UBR2: variants seen among roughly 807,000 people sequenced by gnomAD.
UBR2 encodes E3 ubiquitin-protein ligase UBR2.
In UBR2, 92 loss-of-function variants were observed where a neutral mutation model predicts 247.9. The ratio of observed to expected loss-of-function variants is 0.37; its 90% CI spans 0.31 to 0.44. UBR2 has a LOEUF of 0.44. Among genes scored for constraint, UBR2 ranks in the 20% least tolerant of loss-of-function variants. The pLI, the probability that UBR2 is intolerant of heterozygous loss-of-function variation, is 1.00. For synonymous variants in UBR2, 672 were observed against 693.5 expected, an observed-to-expected ratio of 0.97 and a Z score of 0.49; for missense variants, 1,613 against 2,112.6, an observed-to-expected ratio of 0.76 and a Z score of 4.64.
In UBR2 at chr6:42,649,392, A is replaced by G. The variant is rs569967813; in HGVS notation, c.2463-892A>G. On this transcript the variant is annotated intron_variant, in intron 22 of 46. Coordinates refer to ENST00000372901, the MANE Select transcript of UBR2 (RefSeq NM_001363705.2). Reference sequence around the variant, plus strand: ...ATAGCTTCCAGATTTTCTCTTATAAACAAATATTGAAAATCCTTGTACATA... The same window carrying G: ...ATAGCTTCCAGATTTTCTCTTATAAGCAAATATTGAAAATCCTTGTACATA... Among the ~76,000 whole-genome samples, 4 of 152,298 alleles carry G rather than the reference A, an allele frequency of 2.6e-5. No homozygotes were observed. The South Asian group carries it at 8.3e-4, about 32-fold the overall frequency.
intron 27 of UBR2, 45 bp downstream of exon 27, chr6:42,658,178 ATTTG>A: frequency 6.2e-7 from 1 of 1,610,368 alleles, no homozygotes. Flanking sequence ...AATATTGAAT[ATTTG>A]TTATGTGTAC....
intron 11 of UBR2, among the ~76,000 whole-genome samples, chr6:42,622,140 C>G (rs928389080): frequency 1.3e-5 from 2 of 151,968 alleles, no homozygotes; most frequent in Non-Finnish European, 2.9e-5. Flanking sequence ...CTTAGCCTCC[C>G]GAGTAGCTGG....
intron 40 of UBR2, among the ~76,000 whole-genome samples, chr6:42,677,937 G>A (rs1798805254): frequency 6.6e-6 from 1 of 152,146 alleles, no homozygotes; most frequent in South Asian, 2.1e-4. Context: ...GCATGTGCCT[G>A]TAGTCCCAGC....
chr6:42,686,665 C>A (rs1029281999), intron 44 of UBR2, among the ~76,000 whole-genome samples: 2 of 151,722 alleles, frequency 1.3e-5, no homozygotes, highest in Non-Finnish European at 2.9e-5. Flanking sequence ...CGGGCAGAGG[C>A]GCCCCCCACC....
intron 16 of UBR2, among the ~76,000 whole-genome samples, chr6:42,640,725 T>C: frequency 6.7e-6 from 1 of 150,242 alleles, no homozygotes; most frequent in East Asian, 1.9e-4. Context: ...GAGTCTATGA[T>C]TTTTTTTTAT....
intron 5 of UBR2, among the ~76,000 whole-genome samples, chr6:42,605,065 G>A (rs1045482247): frequency 9.9e-5 from 15 of 151,688 alleles, no homozygotes; most frequent in African/African-American, 3.6e-4. Flanking sequence ...ATTATAAACT[G>A]TGCAAGATTT....
At chr6:42,619,447 A>G (rs1217355160) in intron 11 of UBR2, 2 of 29,622 alleles carry the variant, frequency 6.8e-5, no homozygotes, top group African/African-American at 2.1e-4. Context: ...ATATATATAT[A>G]TATATATTTT....
intron 42 of UBR2, among the ~76,000 whole-genome samples, chr6:42,680,416 T>C (rs1477074885): frequency 9.8e-5 from 15 of 152,290 alleles, no homozygotes; most frequent in Non-Finnish European, 1.5e-5. Flanking sequence ...ATGAACTTAC[T>C]TGTTAAGGAC....
In UBR2 at chr6:42,659,626, T is replaced by G; in HGVS notation, c.3243-30T>G. ...GATTATATAGAAAGTTTTGGGATCATTAATTATATTCATAACCTTTGTATT... is the reference window on the plus strand; with the variant it reads ...GATTATATAGAAAGTTTTGGGATCAGTAATTATATTCATAACCTTTGTATT... On this transcript the variant is annotated intron_variant, in intron 29 of 46. Transcript: ENST00000372901. The surrounding 1 kb of genome is among the most constrained non-coding windows in gnomAD (Gnocchi z 4.3). 6.3e-7 allele frequency: 1 copy of G among 1,596,670 alleles called. No homozygotes were observed. Among genetic ancestry groups the G allele is most frequent in the Non-Finnish European group, 8.6e-7 (1 of 1,169,518 alleles).
intron 4 of UBR2, among the ~76,000 whole-genome samples, chr6:42,600,246 A>G (rs1406459628): frequency 1.3e-5 from 2 of 152,222 alleles, no homozygotes; most frequent in Admixed American, 1.3e-4. Context: ...ACCACTAACA[A>G]CCTTTTTAAC....
At chr6:42,685,338 C>T (rs185928141) in intron 44 of UBR2, among the ~76,000 whole-genome samples, 1 of 152,090 alleles carries the variant, frequency 6.6e-6, no homozygotes, top group East Asian at 1.9e-4. Context: ...CTGTAGTACT[C>T]TATACTACAT....
intron 17 of UBR2, among the ~76,000 whole-genome samples, chr6:42,642,179 A>G (rs902494804): frequency 2.0e-5 from 3 of 152,140 alleles, no homozygotes; most frequent in Admixed American, 2.0e-4. Context: ...TGAGACCACA[A>G]CCTTTTACTT....
intron 14 of UBR2, among the ~76,000 whole-genome samples, chr6:42,636,258 G>A (rs1162529608): frequency 6.8e-6 from 1 of 145,990 alleles, no homozygotes; most frequent in Non-Finnish European, 1.5e-5. Flanking sequence ...GCTCACTGCA[G>A]CCTCAACCTC....
intron 13 of UBR2, 31 bp downstream of exon 13, chr6:42,632,935 C>CTT: frequency 9.1e-7 from 1 of 1,101,292 alleles, no homozygotes; most frequent in Non-Finnish European, 1.2e-6. Context: ...TTTTCTTTTT[C>CTT]CTTTTTTTTT....
intron 11 of UBR2, among the ~76,000 whole-genome samples, chr6:42,623,295 T>C (rs976638661): frequency 2.0e-5 from 3 of 152,162 alleles, no homozygotes; most frequent in African/African-American, 7.2e-5. Context: ...ATTCCTAGTT[T>C]GCTCTAAGAT....
chr6:42,678,897 G>A (rs1484144083), intron 41 of UBR2, among the ~76,000 whole-genome samples: 1 of 152,114 alleles, frequency 6.6e-6, no homozygotes, highest in Non-Finnish European at 1.5e-5. Flanking sequence ...TTTTACACCT[G>A]CAAAGCCCTT....
At position 42,635,555 on chromosome 6, in the gene UBR2, C is replaced by A. The variant is rs1293409048; in HGVS notation, c.1674+9C>A. On this transcript the variant is annotated intron_variant, in intron 14 of 46. Transcript: ENST00000372901. ...ACTGGTGTGCTTCAGATGTGAGTTTCTTCTGGGTGCGGGGAATAGGAGGAA... is the reference window on the plus strand; with the variant it reads ...ACTGGTGTGCTTCAGATGTGAGTTTATTCTGGGTGCGGGGAATAGGAGGAA... 1.9e-6 allele frequency: 3 copies of A among 1,600,636 alleles called. No individual in the cohort carries two copies. The African/African-American group carries it at 4.0e-5, about 21-fold the overall frequency.
intron 42 of UBR2, among the ~76,000 whole-genome samples, chr6:42,681,852 G>C (rs142272614): frequency 6.6e-6 from 1 of 152,332 alleles, no homozygotes; most frequent in East Asian, 1.9e-4. Flanking sequence ...CAACTCAGAT[G>C]TTCAACAGAT....
At chr6:42,575,839 A>G (rs138455410) in intron 2 of UBR2, among the ~76,000 whole-genome samples, 1 of 152,326 alleles carries the variant, frequency 6.6e-6, no homozygotes, top group East Asian at 1.9e-4. Flanking sequence ...GTTGGGAAGT[A>G]CTTTGAGACT....
Sources: allele counts gnomAD v4.1 joint callset (sites outside exome capture counted in the v4.1 genomes callset), GRCh38; gene constraint gnomAD v4.1.1; non-coding constraint Gnocchi (gnomAD v3.1); transcripts MANE v1.5; gene names NCBI Gene and HGNC (gene_info 2026-07-23, HGNC 2026-07-21).